Variants in FAAH2 observed in about 807,000 individuals in gnomAD.
The protein encoded by FAAH2 is fatty-acid amide hydrolase 2.
FAAH2 carries 60 observed loss-of-function variants against 36.9 expected under a neutral mutation model. That is an observed-to-expected ratio of 1.63 (90% CI 1.32 to 2.02). The LOEUF (loss-of-function observed/expected upper bound fraction) is 2.02. Ranked by LOEUF, FAAH2 falls within the 30% of genes most tolerant of loss-of-function variation. The pLI is 0.00. For missense variants in FAAH2, 689 were observed against 397.5 expected (o/e 1.73, Z -6.23); for synonymous variants, 214 against 143.8 (o/e 1.49, Z -3.49).
chrX:57,375,959 T>A (rs1290444997), intron 5 of FAAH2, among the ~76,000 whole-genome samples: 1 of 111,853 alleles, frequency 8.9e-6, no homozygotes, highest in African/African-American at 3.2e-5. Flanking sequence ...ATATATTGAG[T>A]TATGTCAAAA....
chrX:57,412,623 T>C (rs2055729093), intron 7 of FAAH2, among the ~76,000 whole-genome samples: 1 of 112,344 alleles, frequency 8.9e-6, no homozygotes, highest in East Asian at 2.8e-4. Flanking sequence ...CAGTCTATTA[T>C]TGATGGGTAT....
intron 5 of FAAH2, among the ~76,000 whole-genome samples, chrX:57,375,870 C>T (rs976807039): frequency 8.1e-5 from 9 of 111,601 alleles, no homozygotes; most frequent in Non-Finnish European, 1.5e-4. Context: ...TTTCCTTTGA[C>T]ACTTAGGTTT....
At chrX:57,407,480 C>T (rs1430200787) in intron 7 of FAAH2, among the ~76,000 whole-genome samples, 1 of 111,899 alleles carries the variant, frequency 8.9e-6, no homozygotes. Flanking sequence ...AAAGTAATAC[C>T]CTACCTAACC....
intron 7 of FAAH2, among the ~76,000 whole-genome samples, chrX:57,389,817 G>T (rs1254956674): frequency 9.0e-6 from 1 of 110,611 alleles, no homozygotes; most frequent in Non-Finnish European, 1.9e-5. Context: ...CTACCACAGT[G>T]TACAAGGTTT....
At chrX:57,227,491 T>A in the FAAH2 span, among the ~76,000 whole-genome samples, 2 of 111,084 alleles carry the variant, frequency 1.8e-5, no homozygotes, top group Non-Finnish European at 3.8e-5. Flanking sequence ...CAGAGTCCTG[T>A]GATATTAACT....
At chrX:57,152,593 T>C in the FAAH2 span, among the ~76,000 whole-genome samples, 1 of 112,193 alleles carries the variant, frequency 8.9e-6, no homozygotes, top group African/African-American at 3.2e-5. Context: ...AATCTCTTGG[T>C]GTCCCATTTT....
the FAAH2 span, among the ~76,000 whole-genome samples, chrX:57,163,395 C>G: frequency 2.7e-5 from 3 of 111,995 alleles, no homozygotes; most frequent in Non-Finnish European, 5.6e-5. Flanking sequence ...CCACCCAGTT[C>G]GAGCTTCCTG....
intron 4 of FAAH2, among the ~76,000 whole-genome samples, chrX:57,335,873 T>G (rs1230296675): frequency 2.7e-5 from 3 of 111,896 alleles, no homozygotes; most frequent in African/African-American, 9.8e-5. Context: ...AGAGTGGTGA[T>G]GACTCATAGC....
At chrX:57,242,520 C>A in the FAAH2 span, among the ~76,000 whole-genome samples, 1 of 112,158 alleles carries the variant, frequency 8.9e-6, no homozygotes, top group Non-Finnish European at 1.9e-5. Flanking sequence ...AAGGTCAACA[C>A]AAAAGGAGGG....
intron 10 of FAAH2, among the ~76,000 whole-genome samples, chrX:57,452,996 C>T (rs2056811427): frequency 8.9e-6 from 1 of 112,008 alleles, no homozygotes; most frequent in Admixed American, 9.5e-5. Context: ...ACCCATGTTA[C>T]ACAGCATCTG....
At chrX:57,151,664 A>AT in the FAAH2 span, among the ~76,000 whole-genome samples, 208 of 108,517 alleles carry the variant, frequency 1.9e-3, 2 homozygotes, top group African/African-American at 3.5e-3. Context: ...CATTTGTCTA[A>AT]TTTTTTTTTC....
the FAAH2 span, among the ~76,000 whole-genome samples, chrX:57,255,175 G>A: frequency 8.9e-6 from 1 of 111,963 alleles, no homozygotes; most frequent in Admixed American, 9.4e-5. Context: ...AGAGAATCTA[G>A]AAGAAATGGA....
chrX:57,489,078 A>G lies in FAAH2; in HGVS notation c.*146A>G. On this transcript the variant is annotated 3_prime_UTR_variant, in exon 11 of 11. Transcript: ENST00000374900. ...TCATTTAGTTATTCTTTCTACTTTT[A>G]TTTCCTTCTCTAACTGTTGGTCTTA... is the stretch of plus-strand genomic sequence containing the variant. 1 of 605,295 alleles carries G rather than the reference A, an allele frequency of 1.7e-6. No homozygotes were observed. The highest frequency in any genetic ancestry group is 2.4e-6 in the Non-Finnish European group (1 of 418,053). 49.9% of individuals were successfully genotyped at this position (605,295 alleles called of 1,213,427 possible).
chrX:57,440,584 A>G (rs1472437087), intron 8 of FAAH2, among the ~76,000 whole-genome samples: 1 of 111,386 alleles, frequency 9.0e-6, no homozygotes, highest in African/African-American at 3.3e-5. Context: ...CTAATTGAAT[A>G]TTCTTTATTT....
Position 57,474,690 on chromosome X carries a change from G to T in FAAH2, c.1424-14067G>T, listed in dbSNP as rs184249255. On this transcript the variant is annotated intron_variant, in intron 10 of 10. Transcript: ENST00000374900. ...ACATATGTGTGCATGTGTCTTTATA[G>T]TAGAATGATTTATAATCCTTCAGGT... Among the ~76,000 whole-genome samples, 38 of 112,195 alleles carry T rather than the reference G, an allele frequency of 3.4e-4. 1 individual carries two copies. Among genetic ancestry groups the T allele is most frequent in the Admixed American group, 3.2e-3 (34 of 10,558 alleles).
At chrX:57,362,450 A>G (rs2054308636) in intron 5 of FAAH2, among the ~76,000 whole-genome samples, 1 of 111,355 alleles carries the variant, frequency 9.0e-6, no homozygotes, top group Admixed American at 9.5e-5. Flanking sequence ...GTGTATACCT[A>G]TGTAACAAAC....
chrX:57,393,535 G>A, intron 7 of FAAH2: 1 of 960,870 alleles, frequency 1.0e-6, no homozygotes. Flanking sequence ...TGGCAAATGG[G>A]CCTGCATGGA....
chrX:57,125,633 G>A, the FAAH2 span, among the ~76,000 whole-genome samples: 1 of 111,632 alleles, frequency 9.0e-6, no homozygotes, highest in Non-Finnish European at 1.9e-5. Context: ...TAATTATTTC[G>A]TATTTCTCAG....
the FAAH2 span, among the ~76,000 whole-genome samples, chrX:57,165,061 G>A: frequency 2.7e-5 from 3 of 112,337 alleles, no homozygotes; most frequent in Non-Finnish European, 5.6e-5. Flanking sequence ...TGAGGATGTG[G>A]AGAAATAGGA....
Sources: gnomAD v4.1 joint callset for allele counts (sites outside exome capture counted in the v4.1 genomes callset) on GRCh38, gnomAD v4.1.1 for gene constraint, MANE v1.5 for transcripts, NCBI Gene and HGNC (gene_info 2026-07-23, HGNC 2026-07-21) for gene names.